ZNF268: variants seen among roughly 807,000 people sequenced by gnomAD.
The protein encoded by ZNF268 is zinc finger protein 268.
In ZNF268, 20 loss-of-function variants were observed where a neutral mutation model predicts 29.3. The observed-to-expected ratio is 0.68, with a 90% CI of 0.48 to 0.99. The LOEUF (loss-of-function observed/expected upper bound fraction) is 0.99, where lower values mean the gene tolerates loss of function less well. Among genes scored for constraint, ZNF268 ranks in the 50% least tolerant of loss-of-function variants. ZNF268 has a pLI of 0.00. For missense variants in ZNF268, 1,240 were observed against 1,121.6 expected, an observed-to-expected ratio of 1.11 and a Z score of -1.51; for synonymous variants, 429 against 376.9, an observed-to-expected ratio of 1.14 and a Z score of -1.60.
At chr12:133,183,701 G>A (rs1956233039) in intron 2 of ZNF268, among the ~76,000 whole-genome samples, 1 of 152,108 alleles carries the variant, frequency 6.6e-6, no homozygotes, top group African/African-American at 2.4e-5. Flanking sequence ...TTTCAGTTTT[G>A]TATGGATTGG....
At chr12:133,187,812 A>G (rs1192658181) in intron 2 of ZNF268, 60 bp from the exon 3 acceptor site, 3 of 1,501,864 alleles carry the variant, frequency 2.0e-6, no homozygotes, top group South Asian at 2.5e-5. Flanking sequence ...TGTGACCCCT[A>G]TTTCCTTTTC....
In ZNF268 at chr12:133,205,799, G is replaced by C. The variant is rs561520074; in HGVS notation, c.*1269G>C. 2.0e-5 allele frequency: 3 copies of C among 152,120 alleles called. No homozygotes were observed. The highest frequency in any genetic ancestry group is 4.4e-5 in the Non-Finnish European group (3 of 68,022). The allele number at this position is 152,120 out of a possible 1,614,324, so 9.4% of individuals were successfully genotyped here. On this transcript the variant is annotated 3_prime_UTR_variant, in exon 6 of 6. Coordinates refer to ENST00000536435, the MANE Select transcript of ZNF268 (RefSeq NM_003415.3). Reference sequence around the variant, plus strand: ...TCCTCTTAACGAAACATTCCCTAACGGTGTATGTAGTCATGAGGGAACCAC... The same window carrying C: ...TCCTCTTAACGAAACATTCCCTAACCGTGTATGTAGTCATGAGGGAACCAC...
intron 3 of ZNF268, among the ~76,000 whole-genome samples, chr12:133,190,833 T>C (rs1271786063): frequency 2.6e-5 from 4 of 152,222 alleles, no homozygotes; most frequent in African/African-American, 4.8e-5. Context: ...TTCTTCATTC[T>C]GCAGTGCTAA....
chr12:133,189,881 C>T (rs1439030854), intron 3 of ZNF268, among the ~76,000 whole-genome samples: 1 of 152,228 alleles, frequency 6.6e-6, no homozygotes, highest in South Asian at 2.1e-4. Context: ...GACCTCGGCT[C>T]ACTGTAACCT....
chr12:133,201,698 T>C (rs1956754944), intron 5 of ZNF268, among the ~76,000 whole-genome samples: 1 of 152,100 alleles, frequency 6.6e-6, no homozygotes, highest in Non-Finnish European at 1.5e-5. Context: ...GTAATCTGCA[T>C]TGTTCTCTGC....
chr12:133,197,673 G>A (rs1460046475), intron 5 of ZNF268, among the ~76,000 whole-genome samples: 1 of 152,184 alleles, frequency 6.6e-6, no homozygotes, highest in Non-Finnish European at 1.5e-5. Flanking sequence ...AGGTGTTCCT[G>A]TTTCTCCACG....
chr12:133,199,559 T>A (rs2135515147), intron 5 of ZNF268, among the ~76,000 whole-genome samples: 1 of 151,936 alleles, frequency 6.6e-6, no homozygotes, highest in South Asian at 2.1e-4. Context: ...AGAAAATGAG[T>A]TAGGGAGGAT....
chr12:133,185,244 G>T (rs796848294), intron 2 of ZNF268, among the ~76,000 whole-genome samples: 1 of 151,580 alleles, frequency 6.6e-6, no homozygotes. Context: ...GCTCAGGGAA[G>T]GCCCCCACTG....
chr12:133,191,769 A>C, intron 4 of ZNF268, 139 bp from the exon 5 acceptor site: 1 of 1,433,214 alleles, frequency 7.0e-7, no homozygotes, highest in East Asian at 2.3e-5. Context: ...AGAGTATGCC[A>C]GTTGAATGGT....
At chr12:133,193,028 T>A (rs1956512399) in intron 5 of ZNF268, among the ~76,000 whole-genome samples, 2 of 152,236 alleles carry the variant, frequency 1.3e-5, no homozygotes, top group African/African-American at 4.8e-5. Flanking sequence ...ATAGTGTCCA[T>A]GATCCTGCAG....
In ZNF268 at chr12:133,191,921, C is replaced by T. The variant is rs1279314122; in HGVS notation, c.375C>T (p.Thr125=). The stretch of plus-strand genomic sequence containing the variant: ...TTCTATTTATAGGGTACCAACACAC[C>T]AAACCTGATATCATCTTCAAGTTGG... ...SNLVSLGYQH[T]KPDIIFKLEQ... is the part of the protein sequence containing the mutation. Residue 125 remains threonine (T), a synonymous_variant, in exon 5 of 6, where the codon ACC becomes ACT. Transcript: ENST00000536435. 1.2e-6 allele frequency: 2 copies of T among 1,614,066 alleles called. No homozygotes were observed.
chr12:133,187,810 C>G lies in ZNF268; in HGVS notation c.34-62C>G. The stretch of plus-strand genomic sequence containing the variant: ...CTCTCACATTTATGTGATGTGACCC[C>G]TATTTCCTTTTCCCCAAAGGAAATA... On this transcript the variant is annotated intron_variant, in intron 2 of 5. Coordinates refer to ENST00000536435, the MANE Select transcript of ZNF268 (RefSeq NM_003415.3). 4.1e-6 allele frequency: 6 copies of G among 1,472,824 alleles called. No homozygotes were observed. The South Asian group carries it at 6.2e-5, about 15-fold the overall frequency. The allele number at this position is 1,472,824 out of a possible 1,614,324, so 91.2% of individuals were successfully genotyped here. A position where few individuals can be genotyped will look rare whatever the true frequency, so the allele number is the denominator to read the frequency against.
chr12:133,186,972 A>T, intron 2 of ZNF268, among the ~76,000 whole-genome samples: 1 of 152,136 alleles, frequency 6.6e-6, no homozygotes, highest in East Asian at 1.9e-4. Context: ...GTATATATTG[A>T]TCATTGTATT....
intron 3 of ZNF268, 152 bp from the exon 4 acceptor site, chr12:133,191,336 AG>A: frequency 1.2e-6 from 1 of 822,376 alleles, no homozygotes; most frequent in East Asian, 2.8e-5. Flanking sequence ...AAAAAAAGAA[AG>A]AAAGATGACT....
intron 4 of ZNF268, 86 bp from the exon 5 acceptor site, chr12:133,191,822 C>T: frequency 6.5e-7 from 1 of 1,531,462 alleles, no homozygotes; most frequent in African/African-American, 1.4e-5. Flanking sequence ...CATCATGCTA[C>T]CTCCAAACCA....
rs1388955243 is a variant in ZNF268, at chr12:133,207,579, T to C, written c.*3049T>C. The C allele has an allele frequency of 6.6e-6, 1 of 152,130 alleles. No individual in the cohort carries two copies. Among genetic ancestry groups the C allele is most frequent in the Non-Finnish European group, 1.5e-5 (1 of 68,038 alleles). 9.4% of individuals were successfully genotyped at this position (152,130 alleles called of 1,614,324 possible). Reference sequence around the variant, plus strand: ...ATCCCAGCACTTCAGGAGGCTGAGATGGTGGATCACCTGAGGTCAGGAGTT... The same window carrying C: ...ATCCCAGCACTTCAGGAGGCTGAGACGGTGGATCACCTGAGGTCAGGAGTT... On this transcript the variant is annotated 3_prime_UTR_variant, in exon 6 of 6. Transcript: ENST00000536435.
chr12:133,189,319 G>A (rs1360538681), intron 3 of ZNF268, among the ~76,000 whole-genome samples: 1 of 150,542 alleles, frequency 6.6e-6, no homozygotes, highest in Non-Finnish European at 1.5e-5. Flanking sequence ...GGTTCAAGCA[G>A]TTCTCCTACC....
At chr12:133,196,192 C>T (rs1427080728) in intron 5 of ZNF268, among the ~76,000 whole-genome samples, 1 of 151,322 alleles carries the variant, frequency 6.6e-6, no homozygotes, top group Admixed American at 6.6e-5. Flanking sequence ...CGTGGTGATG[C>T]ATGCCTGTAA....
chr12:133,213,701 C>T lies in ZNF268; in HGVS notation c.*9171C>T, dbSNP rs1957018231. The stretch of plus-strand genomic sequence containing the variant: ...ACAGAGCAAGAAAGCAAAATTCCAT[C>T]TCAAAAAAAAAAAAAAGGCCGGGTG... On this transcript the variant is annotated 3_prime_UTR_variant, in exon 6 of 6. Transcript: ENST00000536435. 1 of 33,096 alleles carries T rather than the reference C, an allele frequency of 3.0e-5. No individual in the cohort carries two copies. Among genetic ancestry groups the T allele is most frequent in the East Asian group, 2.1e-3 (1 of 474 alleles). 2.1% of individuals were successfully genotyped at this position (33,096 alleles called of 1,614,324 possible).
Sources: allele counts gnomAD v4.1 joint callset (sites outside exome capture counted in the v4.1 genomes callset), GRCh38; gene constraint gnomAD v4.1.1; transcripts MANE v1.5; gene names NCBI Gene and HGNC (gene_info 2026-07-23, HGNC 2026-07-21).